Variants in BCORL1 observed in about 807,000 individuals in gnomAD.
BCORL1 encodes the protein BCL6 corepressor like 1, also known as BCL-6 corepressor-like protein 1.
A neutral mutation model predicts 87.6 loss-of-function variants in BCORL1; 7 were observed. The ratio of observed to expected loss-of-function variants is 0.08; its 90% confidence interval spans 0.05 to 0.15. BCORL1 has a LOEUF of 0.15. Among genes scored for constraint, BCORL1 ranks in the 10% least tolerant of loss-of-function variants. BCORL1 has a pLI of 1.00. For missense variants in BCORL1, 1,215 were observed against 1,499.7 expected (o/e 0.81, Z 3.13); for synonymous variants, 591 against 634.4 (o/e 0.93, Z 1.03).
At chrX:130,043,599 G>A (rs1488694425) in intron 11 of BCORL1, among the ~76,000 whole-genome samples, 40 of 104,018 alleles carry the variant, frequency 3.8e-4, no homozygotes, top group African/African-American at 1.4e-3. Flanking sequence ...TTTTTGAGAC[G>A]GAGTCTCGCT....
intron 7 of BCORL1, among the ~76,000 whole-genome samples, chrX:130,027,621 C>T (rs1426035128): frequency 8.9e-6 from 1 of 112,794 alleles, no homozygotes; most frequent in Non-Finnish European, 1.9e-5. Flanking sequence ...CATGGCTCCA[C>T]CTCAAGAGCT....
intron 8 of BCORL1, among the ~76,000 whole-genome samples, chrX:130,032,619 C>A (rs1348045893): frequency 9.0e-6 from 1 of 111,468 alleles, no homozygotes; most frequent in Non-Finnish European, 1.9e-5. Context: ...ACAGTCTGCC[C>A]TCTGGCCTCC....
chrX:129,997,617 C>A (rs1377718799), intron 1 of BCORL1, among the ~76,000 whole-genome samples: 1 of 108,179 alleles, frequency 9.2e-6, no homozygotes, highest in Non-Finnish European at 1.9e-5. Context: ...CATGGTGAAA[C>A]CCCGTCTCTA....
Position 130,028,871 on chromosome X carries a change from T to C in BCORL1, c.4305+10T>C, listed in dbSNP as rs1345303917. ...CTCAGAAGAGGCAAAGGTGTGTAGC[T>C]ATCAAGGGGTATTGTAGAAGGTGTG... On this transcript the variant is annotated intron_variant, in intron 8 of 13. Transcript: ENST00000540052. 1 of 978,415 alleles carries C rather than the reference T, an allele frequency of 1.0e-6. No individual in the cohort carries two copies. The highest frequency in any genetic ancestry group is 2.7e-5 in the Admixed American group (1 of 36,699). 80.6% of individuals were successfully genotyped at this position (978,415 alleles called of 1,213,427 possible). A position where few individuals can be genotyped will look rare whatever the true frequency, so the allele number is the denominator to read the frequency against.
intron 7 of BCORL1, among the ~76,000 whole-genome samples, chrX:130,025,712 C>G (rs1224652204): frequency 9.0e-6 from 1 of 110,667 alleles, no homozygotes; most frequent in Non-Finnish European, 1.9e-5. Context: ...TTGAGGGAGT[C>G]GAGTCTTTTG....
In BCORL1 at chrX:130,055,931, C is replaced by T. The variant is rs145264434; in HGVS notation, c.5153C>T (p.Pro1718Leu). ...TCGAGGATCTTTCAGGCCCGGTTCC[C>T]GCACTTTGAAATCACCACCATGCCC... ...LSSRIFQARF[P>L]HFEITTMPKA... is the part of the protein sequence containing the mutation. Residue 1718 changes from proline (P) to leucine (L), a missense_variant, in exon 14 of 14, where the codon CCG (proline) becomes CTG (leucine). Transcript: ENST00000540052. 7.4e-6 allele frequency: 9 copies of T among 1,210,929 alleles called. No homozygotes were observed. Among genetic ancestry groups the T allele is most frequent in the South Asian group, 1.8e-5 (1 of 56,883 alleles).
At chrX:130,037,255 A>G (rs1293943215) in intron 9 of BCORL1, 112 bp from the exon 10 acceptor site, 1 of 781,671 alleles carries the variant, frequency 1.3e-6, no homozygotes, top group Non-Finnish European at 1.9e-6. Context: ...TCCCTGCTAT[A>G]AAGGGCAGGC....
Position 130,039,077 on chromosome X carries a change from G to C in BCORL1, c.4695-60G>C, listed in dbSNP as rs1213332460. 5.6e-5 allele frequency: 66 copies of C among 1,171,145 alleles called. 1 individual carries two copies. Among genetic ancestry groups the C allele is most frequent in the Non-Finnish European group, 7.0e-5 (61 of 865,696 alleles). On this transcript the variant is annotated intron_variant, in intron 10 of 13. Transcript: ENST00000540052. Reference sequence around the variant, plus strand: ...TTTTCCCCTGATGCAGTAGCCTTAAGTGTAGACACCCCAGTTCCCACTTGG... The same window carrying C: ...TTTTCCCCTGATGCAGTAGCCTTAACTGTAGACACCCCAGTTCCCACTTGG...
chrX:129,997,353 A>C, intron 1 of BCORL1, among the ~76,000 whole-genome samples: 1 of 110,926 alleles, frequency 9.0e-6, no homozygotes, highest in Non-Finnish European at 1.9e-5. Context: ...TGGTTATTGC[A>C]TGCGATGGGC....
intron 10 of BCORL1, among the ~76,000 whole-genome samples, chrX:130,038,065 G>A (rs919288283): frequency 4.5e-5 from 5 of 110,451 alleles, no homozygotes; most frequent in Admixed American, 9.7e-5. Flanking sequence ...TGGCCAGGCC[G>A]CATCAGTTAC....
intron 1 of BCORL1, among the ~76,000 whole-genome samples, chrX:129,989,337 G>A (rs1417945695): frequency 7.5e-5 from 7 of 93,241 alleles, no homozygotes; most frequent in African/African-American, 1.6e-4. Flanking sequence ...TAGTAGAGAC[G>A]GGGTTTCACC....
intron 10 of BCORL1, 131 bp downstream of exon 10, chrX:130,037,664 G>A (rs1233621078): frequency 2.3e-5 from 18 of 769,720 alleles, no homozygotes; most frequent in Middle Eastern, 4.8e-4. Context: ...AGGCCAAGGC[G>A]GGCGGATCAT....
intron 11 of BCORL1, among the ~76,000 whole-genome samples, chrX:130,041,658 G>T (rs975825159): frequency 9.0e-6 from 1 of 111,178 alleles, no homozygotes; most frequent in African/African-American, 3.3e-5. Flanking sequence ...GCGGAGTCTT[G>T]CTCTGTCGCC....
At chrX:129,993,476 A>G (rs1927334820) in intron 1 of BCORL1, among the ~76,000 whole-genome samples, 1 of 112,192 alleles carries the variant, frequency 8.9e-6, no homozygotes, top group South Asian at 3.6e-4. Context: ...GCTTGAGGCC[A>G]GGAGTTTGAG....
At chrX:129,998,060 C>G (rs979654152) in intron 1 of BCORL1, among the ~76,000 whole-genome samples, 3 of 107,611 alleles carry the variant, frequency 2.8e-5, no homozygotes, top group Non-Finnish European at 3.8e-5. Context: ...AGCACGTGCT[C>G]TCCTTTGTCC....
In BCORL1 at chrX:130,021,122, A is replaced by T; in HGVS notation, c.3579A>T (p.Pro1193=). The T allele has an allele frequency of 8.3e-7, 1 of 1,201,342 alleles. No homozygotes were observed. The highest frequency in any genetic ancestry group is 1.1e-6 in the Non-Finnish European group (1 of 891,334). Residue 1193 remains proline (P), a synonymous_variant, in exon 5 of 14, where the codon CCA becomes CCT. Transcript: ENST00000540052. Reference sequence around the variant, plus strand: ...CGACAAAGCCGGAGTCCCAGTCTCCAGGAAAACGAGCCGACAGCCACGAGG... The same window carrying T: ...CGACAAAGCCGGAGTCCCAGTCTCCTGGAAAACGAGCCGACAGCCACGAGG... ...RKPTKPESQS[P]GKRADSHEEG...
intron 1 of BCORL1, among the ~76,000 whole-genome samples, chrX:130,001,038 C>T (rs1485442660): frequency 9.1e-6 from 1 of 110,348 alleles, no homozygotes; most frequent in African/African-American, 3.3e-5. Context: ...AGTTACTATA[C>T]GTAAGGTGTC....
At chrX:130,029,838 A>AAAT (rs776199429) in intron 8 of BCORL1, among the ~76,000 whole-genome samples, 1 of 110,430 alleles carries the variant, frequency 9.1e-6, no homozygotes, top group South Asian at 3.9e-4. Flanking sequence ...TTTAGTACAA[A>AAAT]AATACAAAAA....
chrX:130,024,255 CGG>C (rs1283598113), intron 6 of BCORL1, among the ~76,000 whole-genome samples: 1 of 110,598 alleles, frequency 9.0e-6, no homozygotes, highest in East Asian at 2.8e-4. Flanking sequence ...GCTTGCCCAG[CGG>C]TGAGGAACAG....
Sources: gnomAD v4.1 joint callset for allele counts (sites outside exome capture counted in the v4.1 genomes callset) on GRCh38, gnomAD v4.1.1 for gene constraint, MANE v1.5 for transcripts, NCBI Gene and HGNC (gene_info 2026-07-23, HGNC 2026-07-21) for gene names.